The following SH3KBP1 variants were observed in gnomAD, a reference collection of about 807,000 sequenced individuals.
The protein encoded by SH3KBP1 is SH3 domain containing kinase binding protein 1.
SH3KBP1 carries 8 observed loss-of-function variants against 50.1 expected under a neutral mutation model. The observed-to-expected ratio is 0.16, with a 90% confidence interval of 0.09 to 0.29. The LOEUF is 0.29. Among genes scored for constraint, SH3KBP1 ranks in the 10% least tolerant of loss-of-function variants. SH3KBP1 has a pLI of 1.00. For missense variants in SH3KBP1, 377 were observed against 535.2 expected (o/e 0.70, Z 2.92); for synonymous variants, 227 against 218.6 (o/e 1.04, Z -0.34).
chrX:19,712,349 T>C (rs905591616), intron 3 of SH3KBP1, among the ~76,000 whole-genome samples: 17 of 112,108 alleles, frequency 1.5e-4, no homozygotes, highest in Non-Finnish European at 3.0e-4. Flanking sequence ...ATACGGTATG[T>C]ACTGAGGGAA....
chrX:19,646,355 G>T (rs1454480610), intron 6 of SH3KBP1, among the ~76,000 whole-genome samples: 2 of 112,150 alleles, frequency 1.8e-5, no homozygotes, highest in African/African-American at 6.5e-5. Flanking sequence ...CTCAAAAATA[G>T]AAAGAAATAT....
chrX:19,738,426 AC>A (rs1436302199), intron 3 of SH3KBP1, among the ~76,000 whole-genome samples: 26 of 110,263 alleles, frequency 2.4e-4, no homozygotes, highest in African/African-American at 7.3e-4. Context: ...ATACAATAGG[AC>A]CCACTTTCAC....
chrX:19,683,282 G>GAAC (rs748453809), intron 6 of SH3KBP1: 1 of 363,233 alleles, frequency 2.8e-6, no homozygotes. Context: ...TTCCTGAAGG[G>GAAC]AACAACCCAG....
chrX:19,728,811 T>C (rs1419510278), intron 3 of SH3KBP1, among the ~76,000 whole-genome samples: 5 of 112,054 alleles, frequency 4.5e-5, no homozygotes, highest in Admixed American at 3.8e-4. Flanking sequence ...AACAGTACCA[T>C]GACCCTGAAC....
At chrX:19,648,873 C>T (rs992530440) in intron 6 of SH3KBP1, among the ~76,000 whole-genome samples, 19 of 111,513 alleles carry the variant, frequency 1.7e-4, no homozygotes, top group South Asian at 1.1e-3. Flanking sequence ...GCTTTCCCGT[C>T]AGCCTTCCAG....
At chrX:19,686,327 C>T (rs1471804545) in intron 5 of SH3KBP1, among the ~76,000 whole-genome samples, 5 of 111,705 alleles carry the variant, frequency 4.5e-5, no homozygotes, top group Middle Eastern at 4.6e-3. Context: ...TTTAGTGACT[C>T]GTGCCCATCA....
At chrX:19,810,060 T>C (rs932050837) in intron 2 of SH3KBP1, among the ~76,000 whole-genome samples, 3 of 112,224 alleles carry the variant, frequency 2.7e-5, no homozygotes, top group African/African-American at 9.7e-5. Flanking sequence ...TAAATTCAAT[T>C]AAACCAGATG....
intron 2 of SH3KBP1, among the ~76,000 whole-genome samples, chrX:19,765,295 G>A (rs73461632): frequency 0.024 from 2,662 of 111,078 alleles, 83 homozygotes; most frequent in African/African-American, 0.082. Context: ...CACAGTTCTG[G>A]AGGTTAGAAA....
intron 2 of SH3KBP1, among the ~76,000 whole-genome samples, chrX:19,831,558 G>A (rs1015897092): frequency 1.8e-5 from 2 of 108,797 alleles, no homozygotes; most frequent in Admixed American, 9.8e-5. Flanking sequence ...TTGGGAGGCC[G>A]AGGCAGACGG....
At position 19,791,200 on chromosome X, in the gene SH3KBP1, C is replaced by G. The variant is rs145385997; in HGVS notation, c.163-44759G>C. On this transcript the variant is annotated intron_variant, in intron 2 of 17. Transcript: ENST00000397821. ...ATTTATGCCAGGCATGAAAAAAATG[C>G]CTGATAGAAACAAGTCAAGCTATAT... Among the ~76,000 whole-genome samples the G allele has an allele frequency of 7.7e-3, 857 of 111,263 alleles. 11 individuals are homozygous for G. The highest frequency in any genetic ancestry group is 0.027 in the African/African-American group (820 of 30,583).
chrX:19,861,334 G>A (rs1349320976), intron 1 of SH3KBP1, among the ~76,000 whole-genome samples: 9 of 109,341 alleles, frequency 8.2e-5, no homozygotes, highest in Non-Finnish European at 1.7e-4. Context: ...CCGAGATCCC[G>A]CCACTGCACT....
chrX:19,734,662 T>TTC (rs1452495800), intron 3 of SH3KBP1, among the ~76,000 whole-genome samples: 2 of 112,007 alleles, frequency 1.8e-5, no homozygotes, highest in African/African-American at 6.5e-5. Flanking sequence ...AAAAAGAAAC[T>TTC]TCACGCCCAC....
At chrX:19,785,292 C>A (rs142189769) in intron 2 of SH3KBP1, among the ~76,000 whole-genome samples, 1 of 108,050 alleles carries the variant, frequency 9.3e-6, no homozygotes, top group East Asian at 2.9e-4. Flanking sequence ...ATGAGGTGAG[C>A]GGACTGCTTG....
Position 19,542,107 on chromosome X carries a change from C to G in SH3KBP1, c.1710G>C (p.Ala570=). ...CCAAAGAGGATGACAGGGGGGAGGG[C>G]GCCGCTGAGGACAGAGGGGCTGGCC... is the stretch of plus-strand genomic sequence containing the variant. The part of the protein sequence containing the change: ...GGGPAPLSSA[A]PSPLSSSLGT... The change falls in exon 16 of 18, where the codon GCG becomes GCC. Residue 570 remains alanine, a synonymous_variant. Transcript: ENST00000397821. 8.3e-7 allele frequency: 1 copy of G among 1,210,426 alleles called. No homozygotes were observed. The highest frequency in any genetic ancestry group is 1.1e-6 in the Non-Finnish European group (1 of 894,795).
intron 2 of SH3KBP1, among the ~76,000 whole-genome samples, chrX:19,815,381 C>T (rs750770020): frequency 2.9e-4 from 32 of 111,070 alleles, no homozygotes; most frequent in African/African-American, 1.0e-3. Flanking sequence ...CCCATAAACC[C>T]TTCACTTAGC....
chrX:19,625,604 A>C (rs2067993624), intron 8 of SH3KBP1, among the ~76,000 whole-genome samples: 1 of 112,099 alleles, frequency 8.9e-6, no homozygotes, highest in Admixed American at 9.5e-5. Flanking sequence ...TGACCCTAAC[A>C]GATCGGAAAC....
intron 2 of SH3KBP1, among the ~76,000 whole-genome samples, chrX:19,812,665 CAA>C (rs57012379): frequency 0.031 from 1,111 of 35,270 alleles, 13 homozygotes; most frequent in African/African-American, 0.056. Flanking sequence ...CCCGTCTCTA[CAA>C]AAAAAAAAAA....
chrX:19,658,080 C>A (rs2062339495), intron 6 of SH3KBP1, among the ~76,000 whole-genome samples: 1 of 111,812 alleles, frequency 8.9e-6, no homozygotes, highest in African/African-American at 3.3e-5. Flanking sequence ...GTATATTTTA[C>A]CACATATTCT....
chrX:19,692,064 C>A (rs1030582965), intron 5 of SH3KBP1, among the ~76,000 whole-genome samples: 13 of 111,344 alleles, frequency 1.2e-4, no homozygotes, highest in Admixed American at 1.9e-4. Flanking sequence ...TGAAAAACTA[C>A]CTTTAAGGTT....
Sources: gnomAD v4.1 joint callset for allele counts (sites outside exome capture counted in the v4.1 genomes callset) on GRCh38, gnomAD v4.1.1 for gene constraint, MANE v1.5 for transcripts, NCBI Gene and HGNC (gene_info 2026-07-23, HGNC 2026-07-21) for gene names.